The following ME3 variants were observed in gnomAD, a reference collection of about 807,000 sequenced individuals.
The protein encoded by ME3 is NADP-dependent malic enzyme, mitochondrial.
Under a neutral mutation model 68.9 loss-of-function variants are expected in ME3, and 48 were observed. The ratio of observed to expected loss-of-function variants is 0.70; its 90% CI spans 0.55 to 0.89. ME3 has a LOEUF of 0.89. Among genes scored for constraint, ME3 ranks in the 40% least tolerant of loss-of-function variants. The pLI, the probability that ME3 is intolerant of heterozygous loss-of-function variation, is 0.00. For synonymous variants in ME3, 320 were observed against 318.8 expected (o/e 1.00, Z -0.04); for missense variants, 675 against 797.4 (o/e 0.85, Z 1.85).
chr11:86,511,453 G>A (rs934383403), intron 4 of ME3, among the ~76,000 whole-genome samples: 6 of 152,186 alleles, frequency 3.9e-5, no homozygotes, highest in African/African-American at 7.2e-5. Flanking sequence ...TTATGACAGT[G>A]AGAGAAATCT....
intron 7 of ME3, among the ~76,000 whole-genome samples, chr11:86,471,140 G>GTTTTTTTTTTTTTTTTTTT (rs1950759418): frequency 9.1e-6 from 1 of 110,252 alleles, no homozygotes; most frequent in African/African-American, 3.6e-5. Flanking sequence ...AAGGCCCAGA[G>GTTTTTTTTTTTTTTTTTTT]CTTTTTTTTT....
intron 2 of ME3, among the ~76,000 whole-genome samples, chr11:86,610,608 G>T (rs2135190328): frequency 6.6e-6 from 1 of 151,828 alleles, no homozygotes; most frequent in African/African-American, 2.4e-5. Context: ...GCTGCTCAGG[G>T]TGGCTGTGCA....
chr11:86,647,491 G>GC (rs1482121250), intron 2 of ME3, among the ~76,000 whole-genome samples: 1 of 122,802 alleles, frequency 8.1e-6, no homozygotes, highest in African/African-American at 2.9e-5. Context: ...TCTCAAAAAA[G>GC]AAAAAAAAAA....
At chr11:86,618,769 G>A (rs1213556929) in intron 2 of ME3, among the ~76,000 whole-genome samples, 6 of 151,260 alleles carry the variant, frequency 4.0e-5, no homozygotes, top group African/African-American at 1.2e-4. Context: ...CCAGGCTGGA[G>A]TGCAATGGCG....
At chr11:86,535,285 G>C (rs1002697370) in intron 4 of ME3, among the ~76,000 whole-genome samples, 1 of 152,130 alleles carries the variant, frequency 6.6e-6, no homozygotes, top group African/African-American at 2.4e-5. Context: ...CAGTAAAAAT[G>C]TTACCATGCC....
intron 4 of ME3, among the ~76,000 whole-genome samples, chr11:86,519,223 G>A (rs1278129509): frequency 6.6e-6 from 1 of 152,180 alleles, no homozygotes; most frequent in South Asian, 2.1e-4. Flanking sequence ...CAAGGCAAGT[G>A]TAAGTGAAGT....
At chr11:86,654,385 A>G (rs1468461548) in intron 2 of ME3, among the ~76,000 whole-genome samples, 6 of 152,190 alleles carry the variant, frequency 3.9e-5, no homozygotes, top group Admixed American at 1.3e-4. Context: ...GCACATCAAA[A>G]AGCTTATCCA....
At chr11:86,649,634 A>G (rs1594780973) in intron 2 of ME3, among the ~76,000 whole-genome samples, 1 of 152,242 alleles carries the variant, frequency 6.6e-6, no homozygotes, top group Non-Finnish European at 1.5e-5. Context: ...TACAAAATCA[A>G]TGTGCAAAAA....
intron 2 of ME3, among the ~76,000 whole-genome samples, chr11:86,644,773 A>G (rs968641074): frequency 1.3e-5 from 2 of 152,196 alleles, no homozygotes; most frequent in African/African-American, 4.8e-5. Flanking sequence ...CCCAGGCAAG[A>G]TGGTCAAATA....
intron 5 of ME3, among the ~76,000 whole-genome samples, chr11:86,505,735 G>A (rs1044734061): frequency 2.0e-5 from 3 of 152,230 alleles, no homozygotes; most frequent in East Asian, 1.9e-4. Context: ...ATCTGCACAC[G>A]CAGCAGGTAA....
intron 5 of ME3, among the ~76,000 whole-genome samples, chr11:86,506,472 G>T (rs1255200302): frequency 6.6e-6 from 1 of 152,100 alleles, no homozygotes; most frequent in Non-Finnish European, 1.5e-5. Context: ...TGATACAGTT[G>T]TGCCCTGATA....
intron 2 of ME3, among the ~76,000 whole-genome samples, chr11:86,645,048 C>T (rs1391417583): frequency 6.6e-6 from 1 of 152,214 alleles, no homozygotes; most frequent in African/African-American, 2.4e-5. Context: ...ACGCTTTTCC[C>T]ACTGTCTTTG....
chr11:86,437,846 GA>G (rs1310400999), downstream of ME3, among the ~76,000 whole-genome samples: 3 of 122,428 alleles, frequency 2.5e-5, no homozygotes, highest in East Asian at 2.3e-4. Flanking sequence ...GAGAGAGAGA[GA>G]GAGGAGAGAG....
At chr11:86,580,646 T>C (rs1208007827) in intron 2 of ME3, among the ~76,000 whole-genome samples, 3 of 152,220 alleles carry the variant, frequency 2.0e-5, no homozygotes, top group Non-Finnish European at 4.4e-5. Flanking sequence ...GTTTTGTCCT[T>C]CTGCCACATC....
At chr11:86,453,333 G>T (rs1949741146) in intron 8 of ME3, among the ~76,000 whole-genome samples, 1 of 152,202 alleles carries the variant, frequency 6.6e-6, no homozygotes, top group African/African-American at 2.4e-5. Flanking sequence ...GTACACATGT[G>T]CCAGACAGTG....
chr11:86,527,513 A>G (rs1442910224), intron 4 of ME3, among the ~76,000 whole-genome samples: 1 of 152,160 alleles, frequency 6.6e-6, no homozygotes, highest in Non-Finnish European at 1.5e-5. Context: ...GAATGCCACA[A>G]AGATAATCCT....
chr11:86,537,738 G>A lies in ME3; in HGVS notation c.467+18815C>T, dbSNP rs116597402. Among the ~76,000 whole-genome samples the A allele has an allele frequency of 4.9e-3, 743 of 152,322 alleles. 4 individuals are homozygous for A. The highest frequency in any genetic ancestry group is 0.017 in the African/African-American group (709 of 41,564). ...TCAGCCTGTCTTGGAACCCAGTGCA[G>A]GGAGTTGTCTAGGAGTGTTCAGGAG... is the stretch of plus-strand genomic sequence containing the variant. On this transcript the variant is annotated intron_variant, in intron 4 of 14. Coordinates refer to ENST00000543262, the Ensembl canonical transcript of ME3.
chr11:86,604,172 CA>C, intron 2 of ME3, among the ~76,000 whole-genome samples: 1 of 151,532 alleles, frequency 6.6e-6, no homozygotes, highest in Non-Finnish European at 1.5e-5. Flanking sequence ...TTGTAGAGAC[CA>C]AAGTTTCATC....
intron 6 of ME3, among the ~76,000 whole-genome samples, chr11:86,492,894 G>C (rs1952085582): frequency 6.6e-6 from 1 of 152,220 alleles, no homozygotes; most frequent in Non-Finnish European, 1.5e-5. Flanking sequence ...GGCATTCTGT[G>C]ATGTTACTTA....
Sources: allele counts gnomAD v4.1 joint callset (sites outside exome capture counted in the v4.1 genomes callset), GRCh38; gene constraint gnomAD v4.1.1; transcripts MANE v1.5; gene names NCBI Gene and HGNC (gene_info 2026-07-23, HGNC 2026-07-21).